Variants in C1orf174 observed in about 807,000 individuals in gnomAD.
C1orf174 encodes chromosome 1 open reading frame 174.
Under a neutral mutation model 18.4 loss-of-function variants are expected in C1orf174, and 13 were observed. That is an observed-to-expected ratio of 0.71 (90% confidence interval 0.46 to 1.12). The LOEUF (loss-of-function observed/expected upper bound fraction) is 1.12. Ranked by LOEUF, C1orf174 falls within the 50% of genes most tolerant of loss-of-function variation. The pLI, the probability that C1orf174 is intolerant of heterozygous loss-of-function variation, is 0.00. For synonymous variants in C1orf174, 100 were observed against 118.3 expected, an observed-to-expected ratio of 0.85 and a Z score of 1.01; for missense variants, 309 against 308.0, an observed-to-expected ratio of 1.00 and a Z score of -0.02.
At chr1:3,893,034 G>C in intron 1 of C1orf174, 38 bp from the exon 2 acceptor site, 1 of 1,601,194 alleles carries the variant, frequency 6.2e-7, no homozygotes. Context: ...GTGCTCTCAG[G>C]AAGGCAGCAT....
chr1:3,890,326 A>T (rs948211847), intron 3 of C1orf174, among the ~76,000 whole-genome samples: 1 of 152,194 alleles, frequency 6.6e-6, no homozygotes, highest in African/African-American at 2.4e-5. Flanking sequence ...GATGTTCAAA[A>T]AAACCACAAA....
At position 3,889,846 on chromosome 1, in the gene C1orf174, G is replaced by C. The variant is rs1229416851; in HGVS notation, c.*114C>G. 1.0e-6 allele frequency: 1 copy of C among 990,900 alleles called. No homozygotes were observed. The highest frequency in any genetic ancestry group is 1.6e-5 in the African/African-American group (1 of 62,742). The allele number at this position is 990,900 out of a possible 1,614,324, so 61.4% of individuals were successfully genotyped here. On this transcript the variant is annotated 3_prime_UTR_variant, in exon 4 of 4. Coordinates refer to ENST00000361605, the MANE Select transcript of C1orf174 (RefSeq NM_207356.3). The stretch of plus-strand genomic sequence containing the variant: ...CTATTGACTTAGATGGGTCAGTTCT[G>C]AAGTTTGATTAAGACATTCTCTTGG...
chr1:3,899,359 A>G (rs966386851), intron 1 of C1orf174, among the ~76,000 whole-genome samples: 3 of 152,246 alleles, frequency 2.0e-5, no homozygotes, highest in African/African-American at 7.2e-5. Context: ...TGGCCACTCC[A>G]TTTGAACAAA....
rs538309379 is a variant in C1orf174, at chr1:3,900,195, G to A, written c.-9C>T. 8.2e-6 allele frequency: 13 copies of A among 1,583,380 alleles called. No individual in the cohort carries two copies. The highest frequency in any genetic ancestry group is 2.2e-5 in the South Asian group (2 of 89,472). On this transcript the variant is annotated 5_prime_UTR_variant, in exon 1 of 4. Coordinates refer to ENST00000361605, the MANE Select transcript of C1orf174 (RefSeq NM_207356.3). Reference sequence around the variant, plus strand: ...ACCTTCCGGCTCCTCATGAGTGTGAGCACCGCAGCCAAGCACCGCGCGCCC... The same window carrying A: ...ACCTTCCGGCTCCTCATGAGTGTGAACACCGCAGCCAAGCACCGCGCGCCC...
At chr1:3,896,588 G>A (rs1638609299) in intron 1 of C1orf174, among the ~76,000 whole-genome samples, 1 of 152,246 alleles carries the variant, frequency 6.6e-6, no homozygotes, top group Admixed American at 6.5e-5. Flanking sequence ...GCCTAAGGGA[G>A]CTGTTCAAGT....
intron 2 of C1orf174, 99 bp downstream of exon 2, chr1:3,892,784 C>A: frequency 1.3e-6 from 2 of 1,511,232 alleles, no homozygotes; most frequent in South Asian, 1.3e-5. Flanking sequence ...AAGTAACAGT[C>A]GATATTTTTC....
In C1orf174 at chr1:3,900,206, A is replaced by G. The variant is rs1638686139; in HGVS notation, c.-20T>C. The G allele has an allele frequency of 6.4e-7, 1 of 1,571,278 alleles. No homozygotes were observed. Among genetic ancestry groups the G allele is most frequent in the Non-Finnish European group, 8.6e-7 (1 of 1,168,910 alleles). ...CCTCATGAGTGTGAGCACCGCAGCC[A>G]AGCACCGCGCGCCCCGGCCAACGCG... is the stretch of plus-strand genomic sequence containing the variant. On this transcript the variant is annotated 5_prime_UTR_variant, in exon 1 of 4. Coordinates refer to ENST00000361605, the MANE Select transcript of C1orf174 (RefSeq NM_207356.3).
chr1:3,891,431 G>T, intron 2 of C1orf174: 1 of 236,404 alleles, frequency 4.2e-6, no homozygotes, highest in Non-Finnish European at 7.4e-6. Flanking sequence ...CATAAGCTCT[G>T]TGAAGGCAGG....
rs1211080057 is a variant in C1orf174 at position 3,890,058 on chromosome 1, A to T, written c.634T>A (p.Ser212Thr). ...VELMQDLPPA[S>T]SSCPSMSRRE... ...CTGCTCATTGAAGGACAAGATGAAGACGCAGGTGGGAGGTCCTTAGTGGAG... is the reference window on the plus strand; with the variant it reads ...CTGCTCATTGAAGGACAAGATGAAGTCGCAGGTGGGAGGTCCTTAGTGGAG... Residue 212 changes from serine (S) to threonine (T), a missense_variant, in exon 4 of 4, where the codon TCT (serine) becomes ACT (threonine). Physicochemically the swap from Ser to Thr is moderately conservative, Grantham distance 58 (BLOSUM62 1). Coordinates refer to ENST00000361605, the MANE Select transcript of C1orf174 (RefSeq NM_207356.3). 3.1e-6 allele frequency: 5 copies of T among 1,614,036 alleles called. No homozygotes were observed. The highest frequency in any genetic ancestry group is 3.4e-6 in the Non-Finnish European group (4 of 1,179,990).
At chr1:3,894,817 A>G (rs1638577044) in intron 1 of C1orf174, among the ~76,000 whole-genome samples, 1 of 152,182 alleles carries the variant, frequency 6.6e-6, no homozygotes, top group African/African-American at 2.4e-5. Flanking sequence ...AGTTGCCCAC[A>G]GGCTGGGTGA....
At chr1:3,897,994 C>T (rs536868607) in intron 1 of C1orf174, among the ~76,000 whole-genome samples, 13 of 152,162 alleles carry the variant, frequency 8.5e-5, no homozygotes, top group African/African-American at 2.9e-4. Context: ...AACAGAACTC[C>T]AAATAGGATA....
rs1638489695 is a variant in C1orf174, at chr1:3,890,629, A to G, written c.558T>C (p.Asp186=). The G allele has an allele frequency of 5.0e-6, 8 of 1,614,062 alleles. No individual in the cohort carries two copies. Among genetic ancestry groups the G allele is most frequent in the Non-Finnish European group, 5.1e-6 (6 of 1,180,018 alleles). The stretch of plus-strand genomic sequence containing the variant: ...CGGGCATTGGCTGATTGCTGTCGTC[A>G]TCTAGAAAGACGCTGTTGTCCATCT... ...PLQMDNSVFL[D]DDSNQPMPVS... is the part of the protein sequence containing the mutation. Residue 186 remains aspartate, a synonymous_variant, in exon 3 of 4, where the codon GAT becomes GAC. Coordinates refer to ENST00000361605, the MANE Select transcript of C1orf174 (RefSeq NM_207356.3).
chr1:3,890,547 A>G (rs1570962937), intron 3 of C1orf174, 22 bp downstream of exon 3: 3 of 1,610,864 alleles, frequency 1.9e-6, no homozygotes, highest in East Asian at 4.5e-5. Context: ...TACCCACGGG[A>G]GGAGGAAGGC....
At chr1:3,897,315 A>C (rs919131895) in intron 1 of C1orf174, among the ~76,000 whole-genome samples, 1 of 152,214 alleles carries the variant, frequency 6.6e-6, no homozygotes, top group Non-Finnish European at 1.5e-5. Flanking sequence ...CATCAAAGAG[A>C]CTATCAATAA....
At chr1:3,893,074 A>G in intron 1 of C1orf174, 78 bp from the exon 2 acceptor site, 1 of 1,500,796 alleles carries the variant, frequency 6.7e-7, no homozygotes, top group Non-Finnish European at 9.1e-7. Flanking sequence ...TCCCACCTAA[A>G]GAACACCCGA....
Position 3,900,209 on chromosome 1 carries a change from C to G in C1orf174, c.-23G>C, listed in dbSNP as rs770907266. On this transcript the variant is annotated 5_prime_UTR_variant, in exon 1 of 4. Transcript: ENST00000361605. ...CATGAGTGTGAGCACCGCAGCCAAGCACCGCGCGCCCCGGCCAACGCGTCC... is the reference window on the plus strand; with the variant it reads ...CATGAGTGTGAGCACCGCAGCCAAGGACCGCGCGCCCCGGCCAACGCGTCC... 1.9e-6 allele frequency: 3 copies of G among 1,570,126 alleles called. No individual in the cohort carries two copies. The highest frequency in any genetic ancestry group is 2.8e-5 in the African/African-American group (2 of 71,392).
intron 1 of C1orf174, 149 bp downstream of exon 1, chr1:3,900,023 G>T: frequency 1.1e-6 from 1 of 922,758 alleles, no homozygotes; most frequent in Non-Finnish European, 1.5e-6. Context: ...GTGGCCTGGA[G>T]CCCCCCAACT....
intron 2 of C1orf174, chr1:3,891,363 A>G: frequency 6.7e-6 from 2 of 298,814 alleles, no homozygotes; most frequent in South Asian, 9.1e-5. Flanking sequence ...TGAAGCATAT[A>G]TTTATATATT....
Position 3,890,726 on chromosome 1 carries a change from T to C in C1orf174, c.461A>G (p.Asn154Ser). 6.2e-7 allele frequency: 1 copy of C among 1,614,110 alleles called. No homozygotes were observed. Among genetic ancestry groups the C allele is most frequent in the Non-Finnish European group, 8.5e-7 (1 of 1,180,012 alleles). ...CTGCTTCTGCACAGTGGAGCTGCTG[T>C]TGGATTCTTCTGCTCCGGACCCGGC... ...HSAGSGAEES[N>S]SSSTVQKQNE... The change falls in exon 3 of 4, where the codon AAC becomes AGC. Residue 154 changes from asparagine to serine, a missense_variant. By Grantham distance (46) the Asn-to-Ser change is conservative. Transcript: ENST00000361605.
Sources: allele counts gnomAD v4.1 joint callset (sites outside exome capture counted in the v4.1 genomes callset), GRCh38; gene constraint gnomAD v4.1.1; transcripts MANE v1.5; gene names NCBI Gene and HGNC (gene_info 2026-07-23, HGNC 2026-07-21).